Variants in KIRREL3 observed in about 807,000 individuals in gnomAD.
KIRREL3 encodes the protein kin of IRRE-like protein 3.
KIRREL3 carries 36 observed loss-of-function variants against 89.7 expected under a neutral mutation model. The ratio of observed to expected loss-of-function variants is 0.40; its 90% confidence interval spans 0.31 to 0.53. The LOEUF is 0.53. Ranked by LOEUF, KIRREL3 falls within the 20% of genes least tolerant of loss-of-function variation. The pLI, the probability that KIRREL3 is intolerant of heterozygous loss-of-function variation, is 0.49. For synonymous variants in KIRREL3, 445 were observed against 441.4 expected (o/e 1.01, Z -0.10); for missense variants, 864 against 1,056.6 (o/e 0.82, Z 2.53).
intron 15 of KIRREL3, among the ~76,000 whole-genome samples, chr11:126,426,407 T>A (rs906644245): frequency 2.0e-5 from 3 of 152,260 alleles, no homozygotes; most frequent in African/African-American, 4.8e-5. Flanking sequence ...TTGCATGTTG[T>A]GGTCACTGAC....
intron 7 of KIRREL3, among the ~76,000 whole-genome samples, chr11:126,451,061 ATGCATG>A (rs770980992): frequency 8.6e-6 from 1 of 116,660 alleles, no homozygotes; most frequent in Non-Finnish European, 1.8e-5. Flanking sequence ...GCATGTGTGC[ATGCATG>A]TGCATGTGTG....
intron 1 of KIRREL3, among the ~76,000 whole-genome samples, chr11:126,663,896 G>T (rs1945534590): frequency 6.6e-6 from 1 of 152,240 alleles, no homozygotes; most frequent in Non-Finnish European, 1.5e-5. Context: ...GGCCTGCTCT[G>T]ACTATAAGCA....
chr11:126,696,302 T>C lies in KIRREL3; in HGVS notation c.56-133390A>G, dbSNP rs924186438. 2.6e-4 allele frequency among the ~76,000 whole-genome samples: 39 copies of C among 151,836 alleles called. No homozygotes were observed. The highest frequency in any genetic ancestry group is 4.2e-4 in the South Asian group (2 of 4,816). On this transcript the variant is annotated intron_variant, in intron 1 of 16. Transcript: ENST00000525144. This position sits in a 1 kb window ranked among gnomAD's most constrained non-coding sequence, Gnocchi z 4.4. ...GCCTGGATGGCCTAGTGCTTCCTTA[T>C]TGCTTAATTAACCCTTCTCCCTTTC...
At position 126,776,015 on chromosome 11, in the gene KIRREL3, G is replaced by T. The variant is rs951543780; in HGVS notation, c.56-213103C>A. Among the ~76,000 whole-genome samples the T allele has an allele frequency of 2.0e-5, 3 of 152,224 alleles. No individual in the cohort carries two copies. The highest frequency in any genetic ancestry group is 4.8e-5 in the African/African-American group (2 of 41,474). ...GCAAGCTGGGGCTCCTGGATTGGGGGCCACACTCCTGAGACAGCAGAGTGG... is the reference window on the plus strand; with the variant it reads ...GCAAGCTGGGGCTCCTGGATTGGGGTCCACACTCCTGAGACAGCAGAGTGG... On this transcript the variant is annotated intron_variant, in intron 1 of 16. Coordinates refer to ENST00000525144, the MANE Select transcript of KIRREL3 (RefSeq NM_032531.4). This position sits in a 1 kb window ranked among gnomAD's most constrained non-coding sequence, Gnocchi z 4.7.
rs373158386 is a variant in KIRREL3, at chr11:126,845,767, G to C, written c.55+154688C>G. 3.0e-4 allele frequency among the ~76,000 whole-genome samples: 46 copies of C among 152,074 alleles called. No individual in the cohort carries two copies. The South Asian group carries it at 9.6e-3, about 32-fold the overall frequency. ...TTACCTTAAATTTTCCTTTTTCTGA[G>C]CAAAGAAATGTTGGCTGTTTGGCAT... On this transcript the variant is annotated intron_variant, in intron 1 of 16. Transcript: ENST00000525144.
Position 126,998,916 on chromosome 11 carries a change from A to AGTGTGT in KIRREL3, c.55+1533_55+1538dup, listed in dbSNP as rs10561880. 2.5e-3 allele frequency among the ~76,000 whole-genome samples: 352 copies of AGTGTGT among 141,330 alleles called. 3 individuals are homozygous for AGTGTGT. The East Asian group carries it at 0.033, about 13-fold the overall frequency. The allele number at this position is 141,330 out of a possible 152,430, so 92.7% of individuals were successfully genotyped here. ...CTGGTAAGAAGCAAAGACGAATGGG[A>AGTGTGT]GTGTGTGTGTGTGTGTGTGTGTGTG... is the stretch of plus-strand genomic sequence containing the variant. On this transcript the variant is annotated intron_variant, in intron 1 of 16. Transcript: ENST00000525144.
At position 126,923,123 on chromosome 11, in the gene KIRREL3, CT is replaced by C. The variant is rs1455651711; in HGVS notation, c.55+77331del. ...TCTTCTCCTTCTCCTTCTCCTTCTC[CT>C]TCTTCTCTTCTTCTTCTTCTTCTTC... On this transcript the variant is annotated intron_variant, in intron 1 of 16. Coordinates refer to ENST00000525144, the MANE Select transcript of KIRREL3 (RefSeq NM_032531.4). Among the ~76,000 whole-genome samples, 374 of 42,380 alleles carry C rather than the reference CT, an allele frequency of 8.8e-3. 49 individuals are homozygous for C. The highest frequency in any genetic ancestry group is 0.015 in the East Asian group (51 of 3,328). 27.8% of individuals were successfully genotyped at this position (42,380 alleles called of 152,430 possible).
rs1259961579 is a variant in KIRREL3 at position 126,976,969 on chromosome 11, G to A, written c.55+23486C>T. Among the ~76,000 whole-genome samples, 1 of 151,986 alleles carries A rather than the reference G, an allele frequency of 6.6e-6. No individual in the cohort carries two copies. Among genetic ancestry groups the A allele is most frequent in the Non-Finnish European group, 1.5e-5 (1 of 68,016 alleles). On this transcript the variant is annotated intron_variant, in intron 1 of 16. Coordinates refer to ENST00000525144, the MANE Select transcript of KIRREL3 (RefSeq NM_032531.4). This position sits in a 1 kb window ranked among gnomAD's most constrained non-coding sequence, Gnocchi z 4.2. ...GCTGATCGTCCCTCAACTATGAACAGCACGATAGGAAAGAGAGTACCAAGA... is the reference window on the plus strand; with the variant it reads ...GCTGATCGTCCCTCAACTATGAACAACACGATAGGAAAGAGAGTACCAAGA...
At position 126,569,562 on chromosome 11, in the gene KIRREL3, T is replaced by C. The variant is rs1489087273; in HGVS notation, c.56-6650A>G. 6.6e-6 allele frequency among the ~76,000 whole-genome samples: 1 copy of C among 152,172 alleles called. No individual in the cohort carries two copies. Among genetic ancestry groups the C allele is most frequent in the Non-Finnish European group, 1.5e-5 (1 of 68,042 alleles). ...ACTTCCTAGCCCAAAGATACTATAA[T>C]CCAGTTGGCTATACAAGACATATAC... On this transcript the variant is annotated intron_variant, in intron 1 of 16. Coordinates refer to ENST00000525144, the MANE Select transcript of KIRREL3 (RefSeq NM_032531.4). The surrounding 1 kb of genome is among the most constrained non-coding windows in gnomAD (Gnocchi z 6.5).
rs999420141 is a variant in KIRREL3 at position 126,970,030 on chromosome 11, T to C, written c.55+30425A>G. On this transcript the variant is annotated intron_variant, in intron 1 of 16. Coordinates refer to ENST00000525144, the MANE Select transcript of KIRREL3 (RefSeq NM_032531.4). This position sits in a 1 kb window ranked among gnomAD's most constrained non-coding sequence, Gnocchi z 4.4. Reference sequence around the variant, plus strand: ...AACGCAATACGAAAGAAAATCTGGCTAAAATTAGCCTTCTTCTACCAGTCA... The same window carrying C: ...AACGCAATACGAAAGAAAATCTGGCCAAAATTAGCCTTCTTCTACCAGTCA... Among the ~76,000 whole-genome samples the C allele has an allele frequency of 6.6e-6, 1 of 152,208 alleles. No individual in the cohort carries two copies. The highest frequency in any genetic ancestry group is 1.5e-5 in the Non-Finnish European group (1 of 68,034).
chr11:126,787,137 A>C (rs935333206), intron 1 of KIRREL3, among the ~76,000 whole-genome samples: 1 of 152,186 alleles, frequency 6.6e-6, no homozygotes, highest in Admixed American at 6.5e-5. Flanking sequence ...ACATAATGTT[A>C]GTTCAGCCAG....
rs1420151245 is a variant in KIRREL3, at chr11:126,750,018, C to T, written c.56-187106G>A. ...AGTGGTTCTGGATGAAGTTTCCTGA[C>T]TTTACTGAACTTCAGTTTAGTTTCC... On this transcript the variant is annotated intron_variant, in intron 1 of 16. Transcript: ENST00000525144. The surrounding 1 kb of genome is among the most constrained non-coding windows in gnomAD (Gnocchi z 4.2). Among the ~76,000 whole-genome samples, 2 of 152,218 alleles carry T rather than the reference C, an allele frequency of 1.3e-5. No homozygotes were observed. The highest frequency in any genetic ancestry group is 2.4e-5 in the African/African-American group (1 of 41,452).
Position 126,586,121 on chromosome 11 carries a change from A to G in KIRREL3, c.56-23209T>C, listed in dbSNP as rs185896626. On this transcript the variant is annotated intron_variant, in intron 1 of 16. Transcript: ENST00000525144. Reference sequence around the variant, plus strand: ...TCCCTCCCCGGACGTGGCGGCATTCAGATGATGGGAGGTGAGGAATGAGCT... The same window carrying G: ...TCCCTCCCCGGACGTGGCGGCATTCGGATGATGGGAGGTGAGGAATGAGCT... 2.9e-3 allele frequency among the ~76,000 whole-genome samples: 440 copies of G among 152,316 alleles called. 3 individuals are homozygous for G. The highest frequency in any genetic ancestry group is 3.1e-3 in the Admixed American group (47 of 15,306).
At chr11:126,941,981 A>G (rs1013432751) in intron 1 of KIRREL3, among the ~76,000 whole-genome samples, 6 of 152,224 alleles carry the variant, frequency 3.9e-5, no homozygotes, top group Admixed American at 3.9e-4. Context: ...TCTGAAAAGA[A>G]CAAAGGAGCA....
Position 126,564,885 on chromosome 11 carries a change from G to A in KIRREL3, c.56-1973C>T, listed in dbSNP as rs1940403323. Among the ~76,000 whole-genome samples, 2 of 152,202 alleles carry A rather than the reference G, an allele frequency of 1.3e-5. No individual in the cohort carries two copies. Among genetic ancestry groups the A allele is most frequent in the South Asian group, 2.1e-4 (1 of 4,822 alleles). ...TGAAACCTCAACACGCTGACGACAG[G>A]CAGAGTTAACCAGCCCATTGTAATT... On this transcript the variant is annotated intron_variant, in intron 1 of 16. Transcript: ENST00000525144. This position sits in a 1 kb window ranked among gnomAD's most constrained non-coding sequence, Gnocchi z 7.4.
intron 11 of KIRREL3, among the ~76,000 whole-genome samples, chr11:126,437,685 A>G (rs2134168194): frequency 6.6e-6 from 1 of 152,170 alleles, no homozygotes; most frequent in East Asian, 1.9e-4. Context: ...ACGACACCAC[A>G]TCTACACGCA....
chr11:126,480,503 A>G (rs777049356), intron 4 of KIRREL3, among the ~76,000 whole-genome samples: 4 of 152,252 alleles, frequency 2.6e-5, no homozygotes, highest in Non-Finnish European at 4.4e-5. Flanking sequence ...CAAAGACCAC[A>G]CAGCCATAAG....
chr11:126,526,403 G>T lies in KIRREL3; in HGVS notation c.283+135C>A. ...TGCAGTGCTTGCCTAGCCTGACTCT[G>T]CCTGAGGAGTTGCAGTGAAAGCTAG... On this transcript the variant is annotated intron_variant, in intron 3 of 16. Coordinates refer to ENST00000525144, the MANE Select transcript of KIRREL3 (RefSeq NM_032531.4). The surrounding 1 kb of genome is among the most constrained non-coding windows in gnomAD (Gnocchi z 5.7). 1.2e-6 allele frequency: 1 copy of T among 861,474 alleles called. No individual in the cohort carries two copies. Among genetic ancestry groups the T allele is most frequent in the Non-Finnish European group, 1.8e-6 (1 of 560,224 alleles). The allele number at this position is 861,474 out of a possible 1,614,324, so 53.4% of individuals were successfully genotyped here. A position where few individuals can be genotyped will look rare whatever the true frequency, so the allele number is the denominator to read the frequency against.
In KIRREL3 at chr11:126,545,610, AAAAAT is replaced by A. The variant is rs200693654; in HGVS notation, c.133+17220_133+17224del. 2.8e-3 allele frequency among the ~76,000 whole-genome samples: 411 copies of A among 148,338 alleles called. 5 individuals are homozygous for A. Among genetic ancestry groups the A allele is most frequent in the African/African-American group, 9.6e-3 (378 of 39,422 alleles). On this transcript the variant is annotated intron_variant, in intron 2 of 16. Transcript: ENST00000525144. ...CATGTGAGACCCTGTCTCAATTTTT[AAAAAT>A]AAAATAAAATAAAATAAAATAAAAT... is the stretch of plus-strand genomic sequence containing the variant.
Sources: allele counts gnomAD v4.1 joint callset (sites outside exome capture counted in the v4.1 genomes callset), GRCh38; gene constraint gnomAD v4.1.1; non-coding constraint Gnocchi (gnomAD v3.1); transcripts MANE v1.5; gene names NCBI Gene and HGNC (gene_info 2026-07-23, HGNC 2026-07-21).